The following PTBP1 variants were observed in gnomAD, a reference collection of about 807,000 sequenced individuals.
PTBP1 encodes polypyrimidine tract binding protein 1.
A neutral mutation model predicts 59.8 loss-of-function variants in PTBP1; 8 were observed. That is an observed-to-expected ratio of 0.13 (90% CI 0.08 to 0.24). The LOEUF is 0.24. Ranked by LOEUF, PTBP1 falls within the 10% of genes least tolerant of loss-of-function variation. The probability of loss-of-function intolerance (pLI) is 1.00; values close to 1 mark genes in which losing one functional copy is unlikely to be tolerated. For synonymous variants in PTBP1, 490 were observed against 320.7 expected (o/e 1.53, Z -5.64); for missense variants, 686 against 767.0 (o/e 0.89, Z 1.25).
intron 13 of PTBP1, among the ~76,000 whole-genome samples, chr19:809,307 C>CATTTATTTATTT (rs77656557): frequency 3.0e-4 from 44 of 148,966 alleles, no homozygotes; most frequent in East Asian, 4.0e-4. Context: ...CGCCTAGCCA[C>CATTTATTTATTT]ATTTATTTAT....
chr19:809,684 G>A (rs1202657420), intron 13 of PTBP1, among the ~76,000 whole-genome samples: 1 of 152,200 alleles, frequency 6.6e-6, no homozygotes, highest in Non-Finnish European at 1.5e-5. Context: ...GAACCCAAGA[G>A]TTAAGACCAG....
At chr19:803,952 G>GC (rs2034448140) in intron 3 of PTBP1, 84 bp from the exon 4 acceptor site, 1 of 1,533,498 alleles carries the variant, frequency 6.5e-7, no homozygotes, top group Admixed American at 1.7e-5. Flanking sequence ...TCCGTAGCAG[G>GC]CAGGGCTCTA....
chr19:803,113 C>T (rs1374806634), intron 2 of PTBP1, among the ~76,000 whole-genome samples: 2 of 152,194 alleles, frequency 1.3e-5, no homozygotes, highest in African/African-American at 2.4e-5. Flanking sequence ...GAAGTGAGGA[C>T]GGCTGCCTGG....
chr19:805,871 G>A (rs1568270714), intron 9 of PTBP1: 5 of 434,718 alleles, frequency 1.2e-5, no homozygotes, highest in Non-Finnish European at 1.7e-5. Flanking sequence ...TGGTTGGAGG[G>A]ATGTCTCTAG....
chr19:804,256 AC>A (rs2034461700), intron 4 of PTBP1, 35 bp from the exon 5 acceptor site: 2 of 1,611,858 alleles, frequency 1.2e-6, no homozygotes, highest in African/African-American at 2.7e-5. Flanking sequence ...GCAGGCGGGG[AC>A]GAGGAGGGCC....
Position 805,569 on chromosome 19 carries a change from G to T in PTBP1, c.970G>T (p.Gly324Cys). 6.2e-7 allele frequency: 1 copy of T among 1,613,128 alleles called. No individual in the cohort carries two copies. ...CACCTTTGCCATTCCTCAAGCTGCA[G>T]GTATTCAAACGCTTGGTCTTGGTTC... ...PPTFAIPQAAGLSVPNVHGAL... is the reference protein window; with the variant it reads ...PPTFAIPQAACLSVPNVHGAL... Residue 324 changes from glycine (G) to cysteine (C), a missense_variant and splice_region_variant, in exon 9 of 15, where the codon GGC becomes TGC. Coordinates refer to ENST00000356948, the MANE Select transcript of PTBP1 (RefSeq NM_002819.5).
At chr19:809,146 C>T (rs144150448) in intron 13 of PTBP1, among the ~76,000 whole-genome samples, 6 of 151,514 alleles carry the variant, frequency 4.0e-5, no homozygotes, top group African/African-American at 1.2e-4. Context: ...GTAGCTGGGA[C>T]TGTAGGCACC....
chr19:808,598 G>A lies in PTBP1; in HGVS notation c.1299G>A (p.Thr433=), dbSNP rs775738517. Residue 433 remains threonine, a synonymous_variant, in exon 13 of 15, where the codon ACG becomes ACA. Coordinates refer to ENST00000356948, the MANE Select transcript of PTBP1 (RefSeq NM_002819.5). This position sits in a 1 kb window ranked among gnomAD's most constrained non-coding sequence, Gnocchi z 4.7. The stretch of plus-strand genomic sequence containing the variant: ...TGCACGGGAAGCCCATCCGCATCAC[G>A]CTCTCGAAGCACCAGAACGTGCAGC... ...HKLHGKPIRI[T]LSKHQNVQLP... is the part of the protein sequence containing the mutation. 5 of 1,608,048 alleles carry A rather than the reference G, an allele frequency of 3.1e-6. No homozygotes were observed. In the Admixed American group the frequency reaches 5.0e-5, roughly 16 times the overall value.
Position 806,439 on chromosome 19 carries a change from G to A in PTBP1, c.1002G>A (p.Leu334=). The part of the protein sequence containing the change: ...GLSVPNVHGA[L]APLAIPSAAA... ...CCGTTCCGAACGTCCACGGCGCCCTGGCCCCCCTGGCCATCCCCTCGGCGG... is the reference window on the plus strand; with the variant it reads ...CCGTTCCGAACGTCCACGGCGCCCTAGCCCCCCTGGCCATCCCCTCGGCGG... The change falls in exon 10 of 15, where the codon CTG becomes CTA. Residue 334 remains leucine, a synonymous_variant. Coordinates refer to ENST00000356948, the MANE Select transcript of PTBP1 (RefSeq NM_002819.5). 1 of 1,601,712 alleles carries A rather than the reference G, an allele frequency of 6.2e-7. No homozygotes were observed. The highest frequency in any genetic ancestry group is 2.3e-5 in the East Asian group (1 of 43,404).
Position 806,392 on chromosome 19 carries a change from C to A in PTBP1, c.971-16C>A, listed in dbSNP as rs373752293. On this transcript the variant is annotated splice_polypyrimidine_tract_variant and intron_variant, in intron 9 of 14. Transcript: ENST00000356948. The stretch of plus-strand genomic sequence containing the variant: ...GTCGGGGGCGCCGCCGCTCATCTCA[C>A]CTCCTGCTTTTCCAGGCCTTTCCGT... The A allele has an allele frequency of 5.0e-6, 8 of 1,594,814 alleles. No individual in the cohort carries two copies. The African/African-American group carries it at 9.6e-5, about 19-fold the overall frequency.
At chr19:799,744 C>T (rs1014650936) in intron 2 of PTBP1, among the ~76,000 whole-genome samples, 2 of 152,328 alleles carry the variant, frequency 1.3e-5, no homozygotes, top group African/African-American at 2.4e-5. Context: ...GAACTTCTGC[C>T]TCTAGAGGCT....
Position 804,340 on chromosome 19 carries a change from T to G in PTBP1, c.337T>G (p.Tyr113Asp). Residue 113 changes from tyrosine (Y) to aspartate (D), a missense_variant, in exon 5 of 15, where the codon TAC becomes GAC. Transcript: ENST00000356948. ...GGAGGCTGCCAACACCATGGTGAAC[T>G]ACTACACCTCGGTGACCCCTGTGCT... ...TEEAANTMVN[Y>D]YTSVTPVLRG... The G allele has an allele frequency of 6.2e-7, 1 of 1,613,618 alleles. No individual in the cohort carries two copies. Among genetic ancestry groups the G allele is most frequent in the Non-Finnish European group, 8.5e-7 (1 of 1,179,972 alleles).
At chr19:799,698 G>T (rs1054223828) in intron 2 of PTBP1, among the ~76,000 whole-genome samples, 11 of 152,202 alleles carry the variant, frequency 7.2e-5, no homozygotes, top group African/African-American at 2.2e-4. Context: ...CTTGCTGTCA[G>T]CAGCGAGGGC....
At position 808,283 on chromosome 19, in the gene PTBP1, G is replaced by T; in HGVS notation, c.1154-77G>T. ...GGGCTGAGCCGGGCCTTGTGGGGGT[G>T]CGCGGGGCCGGGGCTGACGGGGAGA... On this transcript the variant is annotated intron_variant, in intron 11 of 14. Transcript: ENST00000356948. The surrounding 1 kb of genome is among the most constrained non-coding windows in gnomAD (Gnocchi z 4.7). 3 of 1,245,140 alleles carry T rather than the reference G, an allele frequency of 2.4e-6. No homozygotes were observed. The South Asian group carries it at 3.9e-5, about 16-fold the overall frequency. 77.1% of individuals were successfully genotyped at this position (1,245,140 alleles called of 1,614,324 possible). A position where few individuals can be genotyped will look rare whatever the true frequency, so the allele number is the denominator to read the frequency against.
In PTBP1 at chr19:806,440, G is replaced by C. The variant is rs1195981674; in HGVS notation, c.1003G>C (p.Ala335Pro). 5 of 1,601,072 alleles carry C rather than the reference G, an allele frequency of 3.1e-6. No individual in the cohort carries two copies. Among genetic ancestry groups the C allele is most frequent in the East Asian group, 2.3e-5 (1 of 43,348 alleles). Reference sequence around the variant, plus strand: ...CGTTCCGAACGTCCACGGCGCCCTGGCCCCCCTGGCCATCCCCTCGGCGGC... The same window carrying C: ...CGTTCCGAACGTCCACGGCGCCCTGCCCCCCCTGGCCATCCCCTCGGCGGC... ...LSVPNVHGAL[A>P]PLAIPSAAAA... The change falls in exon 10 of 15, where the codon GCC (alanine) becomes CCC (proline). Residue 335 changes from alanine (A) to proline (P), a missense_variant. Coordinates refer to ENST00000356948, the MANE Select transcript of PTBP1 (RefSeq NM_002819.5).
intron 2 of PTBP1, among the ~76,000 whole-genome samples, chr19:802,464 G>T (rs2034376827): frequency 1.4e-5 from 2 of 144,434 alleles, no homozygotes; most frequent in African/African-American, 5.0e-5. Flanking sequence ...TCTGAGGGGG[G>T]ACAGGGTGTG....
rs570868890 is a variant in PTBP1 at position 808,905 on chromosome 19, G to T, written c.1463+143G>T. 3.9e-6 allele frequency: 3 copies of T among 778,590 alleles called. No homozygotes were observed. The highest frequency in any genetic ancestry group is 5.4e-5 in the East Asian group (2 of 37,238). 48.2% of individuals were successfully genotyped at this position (778,590 alleles called of 1,614,324 possible). On this transcript the variant is annotated intron_variant, in intron 13 of 14. Coordinates refer to ENST00000356948, the MANE Select transcript of PTBP1 (RefSeq NM_002819.5). The surrounding 1 kb of genome is among the most constrained non-coding windows in gnomAD (Gnocchi z 4.7). ...TACCCCAAACCTGAAGTACTGCAAG[G>T]CCTGGAGCTTGAGCCGAGGGCTGCT...
intron 5 of PTBP1, 46 bp from the exon 6 acceptor site, chr19:804,486 G>A (rs1257727245): frequency 1.3e-6 from 2 of 1,594,494 alleles, no homozygotes; most frequent in Non-Finnish European, 1.7e-6. Flanking sequence ...CCTCGGGGGT[G>A]GGCCCAGCCG....
At chr19:797,887 T>G (rs1483773966) in intron 1 of PTBP1, among the ~76,000 whole-genome samples, 1 of 147,922 alleles carries the variant, frequency 6.8e-6, no homozygotes, top group African/African-American at 2.5e-5. Context: ...TCCCGTCCGC[T>G]CCCCTCGTGC....
Sources: gnomAD v4.1 joint callset for allele counts (sites outside exome capture counted in the v4.1 genomes callset) on GRCh38, gnomAD v4.1.1 for gene constraint, Gnocchi (gnomAD v3.1) non-coding constraint, MANE v1.5 for transcripts, NCBI Gene and HGNC (gene_info 2026-07-23, HGNC 2026-07-21) for gene names.